The following SLC35D2 variants were observed in gnomAD, a reference collection of about 807,000 sequenced individuals.
SLC35D2 encodes the protein nucleotide sugar transporter SLC35D2.
A neutral mutation model predicts 41.8 loss-of-function variants in SLC35D2; 43 were observed. That is an observed-to-expected ratio of 1.03 (90% confidence interval 0.81 to 1.33). SLC35D2 has a LOEUF of 1.33. SLC35D2 is among the 40% of genes most tolerant of loss of function. The pLI is 0.00. For missense variants in SLC35D2, 380 were observed against 408.4 expected (o/e 0.93, Z 0.60); for synonymous variants, 150 against 163.9 (o/e 0.92, Z 0.65).
rs542250741 is a variant in SLC35D2 at position 96,383,668 on chromosome 9, G to T, written c.-34C>A. ...GCCCCGCGGACCCCGCCGCCCGCCA[G>T]CCCCGGCTGCGCACTGGTCCCGCCC... is the stretch of plus-strand genomic sequence containing the variant. On this transcript the variant is annotated 5_prime_UTR_variant, in exon 1 of 12. It adds an upstream start codon to the 5' untranslated region. Coordinates refer to ENST00000253270, the MANE Select transcript of SLC35D2 (RefSeq NM_007001.3). 6,536 of 1,004,542 alleles carry T rather than the reference G, an allele frequency of 6.5e-3. 21 individuals are homozygous for T. The highest frequency in any genetic ancestry group is 7.4e-3 in the Non-Finnish European group (6,249 of 844,250). 62.2% of individuals were successfully genotyped at this position (1,004,542 alleles called of 1,614,324 possible). A position where few individuals can be genotyped will look rare whatever the true frequency, so the allele number is the denominator to read the frequency against.
At chr9:96,326,132 T>A (rs1245667214) in intron 9 of SLC35D2, among the ~76,000 whole-genome samples, 1 of 149,780 alleles carries the variant, frequency 6.7e-6, no homozygotes, top group African/African-American at 2.5e-5. Flanking sequence ...AGCGTCGAAG[T>A]CTGCATCAGG....
intron 7 of SLC35D2, among the ~76,000 whole-genome samples, chr9:96,344,509 T>C (rs1221263207): frequency 1.0e-4 from 1 of 10,036 alleles, no homozygotes; most frequent in South Asian, 1.9e-3. Flanking sequence ...CTTCTACCGT[T>C]AAAAAAAAAA....
At chr9:96,326,936 A>G (rs1828563300) in intron 9 of SLC35D2, among the ~76,000 whole-genome samples, 1 of 152,198 alleles carries the variant, frequency 6.6e-6, no homozygotes, top group African/African-American at 2.4e-5. Flanking sequence ...AAAAAACTCA[A>G]ACTGATGCCA....
intron 1 of SLC35D2, among the ~76,000 whole-genome samples, chr9:96,382,430 G>C (rs1266819283): frequency 6.7e-6 from 1 of 150,138 alleles, no homozygotes; most frequent in Non-Finnish European, 1.5e-5. Flanking sequence ...CTCCAGCCTA[G>C]GCAACAGAGT....
At chr9:96,335,930 G>T (rs1359488044) in intron 9 of SLC35D2, among the ~76,000 whole-genome samples, 6 of 151,814 alleles carry the variant, frequency 4.0e-5, no homozygotes, top group Non-Finnish European at 4.4e-5. Flanking sequence ...GTGCATGCCT[G>T]TAATCCCAGC....
chr9:96,322,741 CAG>C (rs1284688665), intron 10 of SLC35D2, among the ~76,000 whole-genome samples: 1 of 58,140 alleles, frequency 1.7e-5, no homozygotes, highest in African/African-American at 1.1e-4. Context: ...TTTTTTGAGA[CAG>C]AGTCTCACTC....
chr9:96,347,938 G>A (rs896401444), intron 6 of SLC35D2, among the ~76,000 whole-genome samples: 2 of 152,130 alleles, frequency 1.3e-5, no homozygotes, highest in Admixed American at 6.6e-5. Flanking sequence ...TACCCTATAT[G>A]GTCTAAAAGG....
chr9:96,332,656 A>G (rs1828857929), intron 9 of SLC35D2, among the ~76,000 whole-genome samples: 1 of 151,640 alleles, frequency 6.6e-6, no homozygotes, highest in Non-Finnish European at 1.5e-5. Flanking sequence ...GTGGGTGCCT[A>G]TAATCCCAGC....
chr9:96,367,497 G>A (rs1218414531), intron 2 of SLC35D2, among the ~76,000 whole-genome samples: 3 of 152,170 alleles, frequency 2.0e-5, no homozygotes, highest in East Asian at 1.9e-4. Flanking sequence ...TAGTTTGAAA[G>A]CTTACCCAAG....
intron 10 of SLC35D2, among the ~76,000 whole-genome samples, chr9:96,322,354 AC>A (rs1362785641): frequency 6.6e-6 from 1 of 151,956 alleles, no homozygotes; most frequent in Non-Finnish European, 1.5e-5. Context: ...TCCCATCTCT[AC>A]AAAAAATTTT....
At chr9:96,359,501 C>T (rs914837700) in intron 4 of SLC35D2, among the ~76,000 whole-genome samples, 1 of 151,578 alleles carries the variant, frequency 6.6e-6, no homozygotes, top group African/African-American at 2.4e-5. Flanking sequence ...ACAAGCCTGG[C>T]CAACATGGTG....
At chr9:96,315,306 A>G (rs1490949747) in intron 11 of SLC35D2, among the ~76,000 whole-genome samples, 1 of 130,238 alleles carries the variant, frequency 7.7e-6, no homozygotes, top group African/African-American at 2.8e-5. Flanking sequence ...TTTATGGTAG[A>G]GATGGTGGTC....
intron 1 of SLC35D2, among the ~76,000 whole-genome samples, chr9:96,378,939 A>T (rs1177750319): frequency 1.3e-5 from 2 of 151,764 alleles, no homozygotes; most frequent in East Asian, 3.9e-4. Context: ...AAAAGAAAGA[A>T]GAGAAAAAAC....
downstream of SLC35D2, among the ~76,000 whole-genome samples, chr9:96,319,935 C>T (rs1365785104): frequency 6.6e-6 from 1 of 152,196 alleles, no homozygotes; most frequent in Non-Finnish European, 1.5e-5. Flanking sequence ...CTAGAGGCCA[C>T]AACGGGCCAA....
intron 3 of SLC35D2, among the ~76,000 whole-genome samples, chr9:96,361,239 G>A (rs1027254353): frequency 2.0e-5 from 3 of 152,180 alleles, no homozygotes; most frequent in Non-Finnish European, 4.4e-5. Flanking sequence ...CATATGCACT[G>A]TTATGAAATG....
At chr9:96,338,153 C>T (rs1829138624) in intron 8 of SLC35D2, among the ~76,000 whole-genome samples, 2 of 151,994 alleles carry the variant, frequency 1.3e-5, no homozygotes, top group African/African-American at 2.4e-5. Flanking sequence ...GAAGACTGCC[C>T]GTAAGTATGT....
At chr9:96,370,216 C>T (rs529835419) in intron 1 of SLC35D2, among the ~76,000 whole-genome samples, 1 of 152,228 alleles carries the variant, frequency 6.6e-6, no homozygotes, top group Non-Finnish European at 1.5e-5. Context: ...TTTGCTGTGA[C>T]TGCCTCAGAG....
At chr9:96,334,567 G>A (rs558253087) in intron 9 of SLC35D2, among the ~76,000 whole-genome samples, 2 of 152,274 alleles carry the variant, frequency 1.3e-5, no homozygotes, top group South Asian at 2.1e-4. Flanking sequence ...GAATGCAAGA[G>A]GCAGAGGTTG....
chr9:96,365,411 G>A (rs1033062071), intron 2 of SLC35D2, among the ~76,000 whole-genome samples: 4 of 151,842 alleles, frequency 2.6e-5, no homozygotes, highest in Admixed American at 6.6e-5. Context: ...ATTATCTCAC[G>A]GGGCTCTAGG....
Sources: gnomAD v4.1 joint callset for allele counts (sites outside exome capture counted in the v4.1 genomes callset) on GRCh38, gnomAD v4.1.1 for gene constraint, MANE v1.5 for transcripts, NCBI Gene and HGNC (gene_info 2026-07-23, HGNC 2026-07-21) for gene names.